STXBP5L: variants seen among roughly 807,000 people sequenced by gnomAD.
The protein encoded by STXBP5L is syntaxin-binding protein 5-like.
Under a neutral mutation model 144.5 loss-of-function variants are expected in STXBP5L, and 65 were observed. That is an observed-to-expected ratio of 0.45 (90% CI 0.37 to 0.55). STXBP5L has a LOEUF of 0.55. STXBP5L is among the 20% of genes least tolerant of loss of function. STXBP5L has a pLI of 0.00. For missense variants in STXBP5L, 1,298 were observed against 1,405.5 expected, an observed-to-expected ratio of 0.92 and a Z score of 1.22; for synonymous variants, 505 against 469.6, an observed-to-expected ratio of 1.08 and a Z score of -0.97.
chr3:121,347,592 A>C (rs1041661992), intron 20 of STXBP5L, among the ~76,000 whole-genome samples: 1 of 152,208 alleles, frequency 6.6e-6, no homozygotes, highest in Non-Finnish European at 1.5e-5. Context: ...ACCCATGAGC[A>C]TGGAATGTTC....
chr3:121,368,860 T>C (rs753279071), intron 20 of STXBP5L, among the ~76,000 whole-genome samples: 1 of 152,060 alleles, frequency 6.6e-6, no homozygotes, highest in Non-Finnish European at 1.5e-5. Flanking sequence ...AAGAGAAAAA[T>C]GAAGGAGTTA....
At chr3:121,300,596 C>T (rs1490948660) in intron 19 of STXBP5L, among the ~76,000 whole-genome samples, 2 of 151,542 alleles carry the variant, frequency 1.3e-5, no homozygotes, top group Non-Finnish European at 2.9e-5. Flanking sequence ...AATAGATGCA[C>T]ATTATAATCC....
intron 5 of STXBP5L, among the ~76,000 whole-genome samples, chr3:121,050,811 C>T (rs1365592090): frequency 6.6e-6 from 1 of 152,072 alleles, no homozygotes; most frequent in Admixed American, 6.6e-5. Context: ...AGAGTCAAGA[C>T]CTATCAGTGT....
At chr3:121,382,404 T>G (rs2046342064) in intron 22 of STXBP5L, among the ~76,000 whole-genome samples, 1 of 152,122 alleles carries the variant, frequency 6.6e-6, no homozygotes, top group Non-Finnish European at 1.5e-5. Context: ...TTAATCGTGA[T>G]GACAATTTTA....
intron 20 of STXBP5L, among the ~76,000 whole-genome samples, chr3:121,349,651 G>T (rs895771920): frequency 7.2e-5 from 11 of 151,826 alleles, no homozygotes; most frequent in East Asian, 1.9e-4. Context: ...CTGTATTGGG[G>T]GCATATATAT....
chr3:120,961,602 C>T (rs974821062), intron 3 of STXBP5L, among the ~76,000 whole-genome samples: 8 of 152,196 alleles, frequency 5.3e-5, no homozygotes, highest in Non-Finnish European at 1.2e-4. Context: ...AGGGCTAGAA[C>T]TCATCCTTTT....
intron 5 of STXBP5L, among the ~76,000 whole-genome samples, chr3:121,112,539 C>A (rs2044035262): frequency 6.6e-6 from 1 of 151,874 alleles, no homozygotes; most frequent in African/African-American, 2.4e-5. Context: ...TTGCAGTTTT[C>A]GTTCTTCTCT....
At chr3:120,979,859 A>G (rs376840260) in intron 3 of STXBP5L, among the ~76,000 whole-genome samples, 37 of 152,092 alleles carry the variant, frequency 2.4e-4, no homozygotes, top group African/African-American at 8.9e-4. Context: ...TAGGCATTTA[A>G]CACTATAAGC....
chr3:121,050,482 C>T (rs1270257663), intron 5 of STXBP5L, among the ~76,000 whole-genome samples: 4 of 152,056 alleles, frequency 2.6e-5, no homozygotes, highest in Non-Finnish European at 5.9e-5. Flanking sequence ...TCCAGCCAAA[C>T]TAAGCTTCAT....
chr3:121,207,239 C>A (rs922298328), intron 10 of STXBP5L, among the ~76,000 whole-genome samples: 5 of 152,038 alleles, frequency 3.3e-5, no homozygotes, highest in African/African-American at 1.2e-4. Flanking sequence ...GGAAAGGATT[C>A]CCTATTTAAT....
intron 3 of STXBP5L, among the ~76,000 whole-genome samples, chr3:120,986,478 A>G (rs1942296406): frequency 6.6e-6 from 1 of 151,988 alleles, no homozygotes; most frequent in African/African-American, 2.4e-5. Context: ...GTATGCAACT[A>G]CTATCATAGA....
At chr3:120,992,443 G>T (rs1364570040) in intron 3 of STXBP5L, among the ~76,000 whole-genome samples, 1 of 151,808 alleles carries the variant, frequency 6.6e-6, no homozygotes, top group East Asian at 1.9e-4. Flanking sequence ...AACCTCTCTT[G>T]TCCTTCCCCC....
Position 121,174,900 on chromosome 3 carries a change from G to C in STXBP5L, c.877+17273G>C, listed in dbSNP as rs1362578791. Among the ~76,000 whole-genome samples the C allele has an allele frequency of 1.3e-5, 2 of 151,946 alleles. 1 individual carries two copies. The highest frequency in any genetic ancestry group is 2.9e-5 in the Non-Finnish European group (2 of 67,988). ...GAAGAGTAACAAAACTGTCAATTTA[G>C]GGCACTGGATGAAATTCACTGAGCT... is the stretch of plus-strand genomic sequence containing the variant. On this transcript the variant is annotated intron_variant, in intron 9 of 26. Transcript: ENST00000471454.
intron 2 of STXBP5L, among the ~76,000 whole-genome samples, chr3:120,953,112 A>G (rs1711378299): frequency 6.6e-6 from 1 of 151,128 alleles, no homozygotes; most frequent in African/African-American, 2.4e-5. Flanking sequence ...TTTTCCATAT[A>G]GTTTCTAAGC....
chr3:121,407,814 T>G, intron 23 of STXBP5L: 1 of 641,576 alleles, frequency 1.6e-6, no homozygotes, highest in Non-Finnish European at 2.6e-6. Flanking sequence ...TAAAAATGCT[T>G]GGCATTGTGA....
chr3:121,329,235 G>T (rs941051139), intron 20 of STXBP5L, among the ~76,000 whole-genome samples: 1 of 152,112 alleles, frequency 6.6e-6, no homozygotes, highest in African/African-American at 2.4e-5. Context: ...AGACTTAAAA[G>T]ATTGCTTTTT....
intron 22 of STXBP5L, among the ~76,000 whole-genome samples, chr3:121,398,674 G>C (rs950863455): frequency 3.9e-5 from 6 of 152,126 alleles, no homozygotes; most frequent in Non-Finnish European, 7.3e-5. Flanking sequence ...CAGGAAATGA[G>C]TATTTCCTTT....
intron 22 of STXBP5L, among the ~76,000 whole-genome samples, chr3:121,397,178 C>A (rs983243377): frequency 6.6e-6 from 1 of 152,210 alleles, no homozygotes; most frequent in Non-Finnish European, 1.5e-5. Context: ...GCAAACCGTT[C>A]ACATTCTTGC....
At chr3:121,062,921 G>A (rs544397252) in intron 5 of STXBP5L, among the ~76,000 whole-genome samples, 2 of 152,156 alleles carry the variant, frequency 1.3e-5, no homozygotes, top group African/African-American at 4.8e-5. Context: ...CTTTTTTCTA[G>A]GTTCTTAGCT....
Sources: gnomAD v4.1 joint callset for allele counts (sites outside exome capture counted in the v4.1 genomes callset) on GRCh38, gnomAD v4.1.1 for gene constraint, MANE v1.5 for transcripts, NCBI Gene and HGNC (gene_info 2026-07-23, HGNC 2026-07-21) for gene names.